EIF3L: variants seen among roughly 807,000 people sequenced by gnomAD.
EIF3L encodes the protein eukaryotic translation initiation factor 3 subunit L.
A neutral mutation model predicts 74.6 loss-of-function variants in EIF3L; 32 were observed. The ratio of observed to expected loss-of-function variants is 0.43; its 90% CI spans 0.32 to 0.58. The LOEUF (loss-of-function observed/expected upper bound fraction) is 0.58. Among genes scored for constraint, EIF3L ranks in the 20% least tolerant of loss-of-function variants. The pLI is 0.06. For synonymous variants in EIF3L, 256 were observed against 254.4 expected, an observed-to-expected ratio of 1.01 and a Z score of -0.06; for missense variants, 474 against 707.8, an observed-to-expected ratio of 0.67 and a Z score of 3.75.
At position 37,874,058 on chromosome 22, in the gene EIF3L, C is replaced by T. The variant is rs544758996; in HGVS notation, c.752-312C>T. On this transcript the variant is annotated intron_variant, in intron 8 of 12. Coordinates refer to ENST00000652021, the MANE Select transcript of EIF3L (RefSeq NM_016091.4). ...TTGTTATTAGGAAAATAGCTTTGAC[C>T]TCATGTGCTTTCTGAAAGGAGGAGT... is the stretch of plus-strand genomic sequence containing the variant. Among the ~76,000 whole-genome samples the T allele has an allele frequency of 3.9e-5, 6 of 152,142 alleles. No homozygotes were observed. In the East Asian group the frequency reaches 5.8e-4, roughly 15 times the overall value.
chr22:37,875,994 A>G lies in EIF3L; in HGVS notation c.1060A>G (p.Thr354Ala). The change falls in exon 10 of 13, where the codon ACG (threonine) becomes GCG (alanine). Residue 354 changes from threonine to alanine, a missense_variant. By Grantham distance (58) the Thr-to-Ala change is moderately conservative. Around this residue, in one of 4 missense-constraint regions of EIF3L, gnomAD observed 293 missense variants for 469.1 expected, o/e 0.62. Coordinates refer to ENST00000652021, the MANE Select transcript of EIF3L (RefSeq NM_016091.4). ...QRTKSMFQRT[T>A]YKYEMINKQN... The stretch of plus-strand genomic sequence containing the variant: ...GACCAAGAGCATGTTCCAGAGGACC[A>G]CGTACAAGTATGAGATGGTAAGGGG... 7 of 1,613,946 alleles carry G rather than the reference A, an allele frequency of 4.3e-6. No homozygotes were observed. Among genetic ancestry groups the G allele is most frequent in the Non-Finnish European group, 5.9e-6 (7 of 1,179,876 alleles).
intron 3 of EIF3L, among the ~76,000 whole-genome samples, chr22:37,854,995 C>T (rs1337904380): frequency 6.6e-6 from 1 of 152,044 alleles, no homozygotes; most frequent in Non-Finnish European, 1.5e-5. Context: ...ACTAAAAGAG[C>T]CAGAGAAGCA....
At chr22:37,880,033 C>T (rs1926963967) in intron 11 of EIF3L, 1 of 152,114 alleles carries the variant, frequency 6.6e-6, no homozygotes, top group Non-Finnish European at 1.5e-5. Context: ...CAACTCCTGA[C>T]CTTGTGATCC....
chr22:37,874,323 G>A, intron 8 of EIF3L, 47 bp from the exon 9 acceptor site: 1 of 1,589,166 alleles, frequency 6.3e-7, no homozygotes, highest in Non-Finnish European at 8.6e-7. Context: ...AGGTGTGCCT[G>A]CCTTTACCTG....
At position 37,878,097 on chromosome 22, in the gene EIF3L, G is replaced by A. The variant is rs768210839; in HGVS notation, c.1501G>A (p.Val501Met). The A allele has an allele frequency of 4.3e-6, 7 of 1,614,162 alleles. No homozygotes were observed. Among genetic ancestry groups the A allele is most frequent in the African/African-American group, 1.3e-5 (1 of 75,048 alleles). Reference sequence around the variant, plus strand: ...CTTCAAACACAAGATGAAGAACCTCGTGTGGACCAGCGGTATCTCAGCCCT... The same window carrying A: ...CTTCAAACACAAGATGAAGAACCTCATGTGGACCAGCGGTATCTCAGCCCT... ...LVFKHKMKNL[V>M]WTSGISALDG... Residue 501 changes from valine (V) to methionine (M), a missense_variant, in exon 11 of 13, where the codon GTG becomes ATG. By Grantham distance (21) the Val-to-Met change is conservative (BLOSUM62 1). Around this residue, in one of 4 missense-constraint regions of EIF3L, gnomAD observed 293 missense variants for 469.1 expected, o/e 0.62. Coordinates refer to ENST00000652021, the MANE Select transcript of EIF3L (RefSeq NM_016091.4).
rs534404279 is a variant in EIF3L at position 37,876,418 on chromosome 22, A to C, written c.1077+407A>C. On this transcript the variant is annotated intron_variant, in intron 10 of 12. Coordinates refer to ENST00000652021, the MANE Select transcript of EIF3L (RefSeq NM_016091.4). ...TGGGTTCAAGTGATTCTCCAGCCTT[A>C]GCCTCCTGAGTAGCTGGGACTACAG... The C allele has an allele frequency of 2.9e-4, 43 of 149,742 alleles. No homozygotes were observed. The South Asian group carries it at 8.6e-3, about 30-fold the overall frequency. The allele number at this position is 149,742 out of a possible 1,614,324, so 9.3% of individuals were successfully genotyped here.
Position 37,863,355 on chromosome 22 carries a change from C to A in EIF3L, c.579+10C>A. 1 of 1,598,826 alleles carries A rather than the reference C, an allele frequency of 6.3e-7. No homozygotes were observed. The highest frequency in any genetic ancestry group is 1.1e-5 in the South Asian group (1 of 89,444). On this transcript the variant is annotated intron_variant, in intron 7 of 12. Coordinates refer to ENST00000652021, the MANE Select transcript of EIF3L (RefSeq NM_016091.4). The stretch of plus-strand genomic sequence containing the variant: ...TGAGTTCATCTACCAGGTATCTGGT[C>A]AGCTTCAGCCTAATTTGAAATAACT...
chr22:37,871,554 G>A (rs1926470030), intron 8 of EIF3L, among the ~76,000 whole-genome samples: 1 of 152,142 alleles, frequency 6.6e-6, no homozygotes, highest in Non-Finnish European at 1.5e-5. Context: ...TTTATGTTTA[G>A]ATTTGGATCC....
chr22:37,867,555 A>G (rs1357734133), intron 7 of EIF3L, among the ~76,000 whole-genome samples: 1 of 151,036 alleles, frequency 6.6e-6, no homozygotes, highest in Admixed American at 6.6e-5. Context: ...GCTACTCAGC[A>G]GCTGAGGGAT....
chr22:37,855,489 T>C, intron 3 of EIF3L, 76 bp from the exon 4 acceptor site: 1 of 1,336,794 alleles, frequency 7.5e-7, no homozygotes, highest in South Asian at 1.2e-5. Context: ...TAAGCCTGGG[T>C]CCTCATCTGT....
chr22:37,850,251 G>A (rs1925115591), intron 2 of EIF3L, among the ~76,000 whole-genome samples, 188 bp downstream of exon 2: 2 of 152,174 alleles, frequency 1.3e-5, no homozygotes, highest in South Asian at 2.1e-4. Context: ...GTCCACCTCA[G>A]TCTTGGAAGA....
intron 7 of EIF3L, among the ~76,000 whole-genome samples, chr22:37,865,061 C>T (rs1294072100): frequency 1.3e-5 from 2 of 152,198 alleles, no homozygotes; most frequent in East Asian, 1.9e-4. Flanking sequence ...CTTATTTAGC[C>T]CAGTCCTTCT....
chr22:37,850,532 T>G (rs1353546213), intron 2 of EIF3L: 1 of 225,490 alleles, frequency 4.4e-6, no homozygotes, highest in Non-Finnish European at 9.4e-6. Flanking sequence ...AGAGACGAGG[T>G]TTCGCCGTGT....
intron 4 of EIF3L, among the ~76,000 whole-genome samples, chr22:37,857,608 G>A (rs899114917): frequency 1.3e-5 from 2 of 151,050 alleles, no homozygotes; most frequent in African/African-American, 4.9e-5. Flanking sequence ...GCAGTGGCGC[G>A]ATCTCTGCTC....
At chr22:37,864,874 G>C (rs1926063470) in intron 7 of EIF3L, among the ~76,000 whole-genome samples, 1 of 152,118 alleles carries the variant, frequency 6.6e-6, no homozygotes, top group Admixed American at 6.6e-5. Flanking sequence ...ATGTTCTGTT[G>C]TGGGCACATT....
Position 37,863,268 on chromosome 22 carries a change from A to G in EIF3L, c.506-4A>G. The stretch of plus-strand genomic sequence containing the variant: ...ATCTGACTTTTCTGTGATCTCCTGC[A>G]CAGATGCCGATGGTCCTGCTCCCCT... On this transcript the variant is annotated splice_region_variant and splice_polypyrimidine_tract_variant and intron_variant, in intron 6 of 12. Transcript: ENST00000652021. The G allele has an allele frequency of 4.3e-6, 7 of 1,612,816 alleles. No homozygotes were observed. Among genetic ancestry groups the G allele is most frequent in the Non-Finnish European group, 5.9e-6 (7 of 1,179,256 alleles).
rs767501453 is a variant in EIF3L, at chr22:37,886,760, C to G, written c.1576-5C>G. ...GCTCTTCCCTGACTGTGCTTTCCCC[C>G]ACAGGACATGATCCACATCGCGGAC... is the stretch of plus-strand genomic sequence containing the variant. On this transcript the variant is annotated splice_region_variant and splice_polypyrimidine_tract_variant and intron_variant, in intron 11 of 12. Coordinates refer to ENST00000652021, the MANE Select transcript of EIF3L (RefSeq NM_016091.4). 1.9e-6 allele frequency: 3 copies of G among 1,606,954 alleles called. No individual in the cohort carries two copies. In the South Asian group the frequency reaches 3.3e-5, roughly 18 times the overall value.
At position 37,878,180 on chromosome 22, in the gene EIF3L, GT is replaced by G. The variant is rs1569122384; in HGVS notation, c.1575+10del. 1 of 1,589,576 alleles carries G rather than the reference GT, an allele frequency of 6.3e-7. No homozygotes were observed. Among genetic ancestry groups the G allele is most frequent in the Non-Finnish European group, 8.6e-7 (1 of 1,166,254 alleles). ...ACTTCTACATTGATAAGGTATGCCTGTCCCCTGGGCTTGGGGTCTTGTATTA... is the reference window on the plus strand; with the variant it reads ...ACTTCTACATTGATAAGGTATGCCTGCCCCTGGGCTTGGGGTCTTGTATTA... On this transcript the variant is annotated intron_variant, in intron 11 of 12. Coordinates refer to ENST00000652021, the MANE Select transcript of EIF3L (RefSeq NM_016091.4).
intron 2 of EIF3L, among the ~76,000 whole-genome samples, chr22:37,851,021 A>G (rs546397895): frequency 6.6e-6 from 1 of 152,336 alleles, no homozygotes; most frequent in African/African-American, 2.4e-5. Flanking sequence ...AGTACAAGAC[A>G]GACGAGATTC....
Sources: gnomAD v4.1 joint callset for allele counts (sites outside exome capture counted in the v4.1 genomes callset) on GRCh38, gnomAD v4.1.1 for gene constraint, gnomAD v4.1.1 regional missense constraint, MANE v1.5 for transcripts, NCBI Gene and HGNC (gene_info 2026-07-23, HGNC 2026-07-21) for gene names.